Variants in COL24A1 observed in about 807,000 individuals in gnomAD.
COL24A1 encodes collagen alpha-1(XXIV) chain.
In COL24A1, 224 loss-of-function variants were observed where a neutral mutation model predicts 253.9. That is an observed-to-expected ratio of 0.88 (90% CI 0.79 to 0.99). The LOEUF is 0.99. Ranked by LOEUF, COL24A1 falls within the 50% of genes least tolerant of loss-of-function variation. COL24A1 has a pLI of 0.00. For missense variants in COL24A1, 2,131 were observed against 2,068.5 expected, an observed-to-expected ratio of 1.03 and a Z score of -0.59; for synonymous variants, 685 against 673.7, an observed-to-expected ratio of 1.02 and a Z score of -0.26.
At chr1:85,866,202 G>A (rs1312355390) in intron 37 of COL24A1, among the ~76,000 whole-genome samples, 1 of 152,182 alleles carries the variant, frequency 6.6e-6, no homozygotes, top group East Asian at 1.9e-4. Context: ...GGCAGAGGTT[G>A]CAGTGAGCCA....
intron 31 of COL24A1, among the ~76,000 whole-genome samples, chr1:85,894,124 T>C (rs1683411603): frequency 6.6e-6 from 1 of 152,208 alleles, no homozygotes; most frequent in Admixed American, 6.5e-5. Context: ...GTCTGGCTTT[T>C]TTCAGTTGAC....
At chr1:85,737,045 T>G (rs1235041110) in intron 58 of COL24A1, among the ~76,000 whole-genome samples, 4 of 152,172 alleles carry the variant, frequency 2.6e-5, no homozygotes, top group Non-Finnish European at 5.9e-5. Flanking sequence ...CAGCAAAACT[T>G]CAGGTAACTG....
chr1:86,138,654 C>A (rs1330523621), intron 2 of COL24A1, among the ~76,000 whole-genome samples: 2 of 152,140 alleles, frequency 1.3e-5, no homozygotes, highest in Admixed American at 6.6e-5. Context: ...CTATATGGAA[C>A]TGTAAGTCCA....
At chr1:86,043,369 A>T (rs1427055128) in intron 12 of COL24A1, among the ~76,000 whole-genome samples, 1 of 152,000 alleles carries the variant, frequency 6.6e-6, no homozygotes, top group African/African-American at 2.4e-5. Flanking sequence ...TAAAAAAATT[A>T]GAAAAAAACA....
At chr1:85,745,225 T>C (rs903347969) in intron 56 of COL24A1, among the ~76,000 whole-genome samples, 1 of 152,122 alleles carries the variant, frequency 6.6e-6, no homozygotes, top group Admixed American at 6.5e-5. Flanking sequence ...TACTAAATTT[T>C]TGATTTAAAT....
At chr1:85,995,102 C>A (rs1387436210) in intron 19 of COL24A1, among the ~76,000 whole-genome samples, 1 of 152,094 alleles carries the variant, frequency 6.6e-6, no homozygotes, top group East Asian at 1.9e-4. Flanking sequence ...TTCCTTATGA[C>A]AAAACATATA....
chr1:85,744,950 G>GA, intron 56 of COL24A1, 116 bp from the exon 57 acceptor site: 1 of 729,076 alleles, frequency 1.4e-6, no homozygotes, highest in Admixed American at 2.7e-5. Context: ...AGAATGTAAA[G>GA]AACAGTTTAT....
chr1:85,792,070 TTCTC>T (rs1197731893), intron 47 of COL24A1, among the ~76,000 whole-genome samples: 1 of 152,168 alleles, frequency 6.6e-6, no homozygotes, highest in Non-Finnish European at 1.5e-5. Flanking sequence ...TGTGAACAGT[TTCTC>T]TCTTCTTACA....
chr1:85,731,614 G>A (rs1385903524), intron 59 of COL24A1, among the ~76,000 whole-genome samples: 4 of 152,120 alleles, frequency 2.6e-5, no homozygotes, highest in African/African-American at 9.7e-5. Context: ...AGTTGAATAA[G>A]ATGTAACACT....
intron 14 of COL24A1, among the ~76,000 whole-genome samples, chr1:86,028,731 AAG>A (rs1698276412): frequency 6.6e-6 from 1 of 152,228 alleles, no homozygotes; most frequent in South Asian, 2.1e-4. Context: ...TGAATGGAGA[AAG>A]AGAAAATACA....
intron 19 of COL24A1, among the ~76,000 whole-genome samples, chr1:86,014,072 A>T (rs963430472): frequency 3.4e-4 from 51 of 152,206 alleles, no homozygotes; most frequent in African/African-American, 1.0e-3. Flanking sequence ...ACAAATCCCT[A>T]CAGTTATGCT....
intron 7 of COL24A1, among the ~76,000 whole-genome samples, chr1:86,080,694 T>C (rs1557537459): frequency 6.6e-6 from 1 of 152,054 alleles, no homozygotes; most frequent in Non-Finnish European, 1.5e-5. Context: ...ATTTGAGCCC[T>C]AAAAATATGT....
At chr1:85,912,803 C>T (rs1274884704) in intron 24 of COL24A1, among the ~76,000 whole-genome samples, 1 of 152,086 alleles carries the variant, frequency 6.6e-6, no homozygotes, top group Admixed American at 6.5e-5. Context: ...TGCAAATTGA[C>T]ACATACTGTA....
At chr1:86,011,277 G>A (rs1696460335) in intron 19 of COL24A1, among the ~76,000 whole-genome samples, 1 of 152,112 alleles carries the variant, frequency 6.6e-6, no homozygotes, top group South Asian at 2.1e-4. Context: ...AGTGGTAACG[G>A]TGGTGGCTAC....
At chr1:86,061,596 A>G (rs1701095319) in intron 8 of COL24A1, among the ~76,000 whole-genome samples, 1 of 152,064 alleles carries the variant, frequency 6.6e-6, no homozygotes, top group African/African-American at 2.4e-5. Context: ...ATTCCACTCA[A>G]TGTCTAAGTT....
chr1:85,910,624 A>T (rs1558621822), intron 25 of COL24A1, among the ~76,000 whole-genome samples: 1 of 151,992 alleles, frequency 6.6e-6, no homozygotes, highest in Non-Finnish European at 1.5e-5. Context: ...TTTTAACTGC[A>T]CTCATTTTGT....
chr1:85,873,471 A>T (rs1288657522), intron 35 of COL24A1, among the ~76,000 whole-genome samples: 1 of 152,248 alleles, frequency 6.6e-6, no homozygotes, highest in African/African-American at 2.4e-5. Flanking sequence ...GGATTAAGAA[A>T]ATGTGGCACA....
chr1:85,820,962 A>G lies in COL24A1; in HGVS notation c.3789+2574T>C, dbSNP rs539613471. On this transcript the variant is annotated intron_variant, in intron 45 of 59. Transcript: ENST00000370571. ...AAATGAGGCTGAAGGACAGTTATCT[A>G]GATACTTCACTAGTTCTAACACTCT... Among the ~76,000 whole-genome samples, 10 of 152,358 alleles carry G rather than the reference A, an allele frequency of 6.6e-5. No homozygotes were observed. The East Asian group carries it at 1.3e-3, about 21-fold the overall frequency.
chr1:86,036,657 A>C (rs1473911572), intron 12 of COL24A1, among the ~76,000 whole-genome samples: 1 of 152,152 alleles, frequency 6.6e-6, no homozygotes, highest in Non-Finnish European at 1.5e-5. Flanking sequence ...TCATGAACTT[A>C]ATGTTTGCAG....
Sources: gnomAD v4.1 joint callset for allele counts (sites outside exome capture counted in the v4.1 genomes callset) on GRCh38, gnomAD v4.1.1 for gene constraint, MANE v1.5 for transcripts, NCBI Gene and HGNC (gene_info 2026-07-23, HGNC 2026-07-21) for gene names.